Variants in TRIM63 observed in about 807,000 individuals in gnomAD.
TRIM63 encodes E3 ubiquitin-protein ligase TRIM63.
In TRIM63, 48 loss-of-function variants were observed where a neutral mutation model predicts 46.0. The ratio of observed to expected loss-of-function variants is 1.04; its 90% confidence interval spans 0.83 to 1.33. The LOEUF is 1.33. Among genes scored for constraint, TRIM63 ranks in the 40% most tolerant of loss-of-function variants. The probability of loss-of-function intolerance (pLI) is 0.00; values close to 1 mark genes in which losing one functional copy is unlikely to be tolerated. For synonymous variants in TRIM63, 175 were observed against 162.8 expected (o/e 1.08, Z -0.57); for missense variants, 455 against 441.2 (o/e 1.03, Z -0.28).
At chr1:26,061,382 TC>T in intron 2 of TRIM63, 48 bp from the exon 3 acceptor site, 1 of 1,589,116 alleles carries the variant, frequency 6.3e-7, no homozygotes. Context: ...TGTCCCTGCA[TC>T]CCCCTCCCCA....
At chr1:26,058,670 C>T (rs2050595170) in intron 4 of TRIM63, 47 bp from the exon 5 acceptor site, 1 of 1,496,260 alleles carries the variant, frequency 6.7e-7, no homozygotes, top group African/African-American at 1.4e-5. Context: ...TCTTTATTCC[C>T]TGCCCACTAC....
rs778011550 is a variant in TRIM63 at position 26,066,422 on chromosome 1, T to G, written c.178A>C (p.Thr60Pro). The G allele has an allele frequency of 2.5e-6, 4 of 1,593,572 alleles. No individual in the cohort carries two copies. In the African/African-American group the frequency reaches 5.4e-5, roughly 21 times the overall value. The change falls in exon 2 of 9, where the codon ACC (threonine) becomes CCC (proline). Residue 60 changes from threonine to proline, a missense_variant. By Grantham distance (38) the Thr-to-Pro change is conservative. Coordinates refer to ENST00000374272, the MANE Select transcript of TRIM63 (RefSeq NM_032588.4). ...ATGGACACTGAGCTGCCCCGGCTGG[T>G]CCAGTAGGGATTTGCAGCCTGCAGG... is the stretch of plus-strand genomic sequence containing the variant. Reference protein sequence around the residue: ...DIFQAANPYWTSRGSSVSMSG... With the variant: ...DIFQAANPYWPSRGSSVSMSG...
chr1:26,067,260 A>C, intron 1 of TRIM63, 76 bp downstream of exon 1: 12 of 1,553,264 alleles, frequency 7.7e-6, no homozygotes, highest in Non-Finnish European at 9.6e-6. Context: ...TTGGAAGTCT[A>C]AGGGAGAAGG....
At chr1:26,064,631 G>T (rs915045740) in intron 2 of TRIM63, among the ~76,000 whole-genome samples, 1 of 152,038 alleles carries the variant, frequency 6.6e-6, no homozygotes, top group Non-Finnish European at 1.5e-5. Flanking sequence ...TTAGAACAGC[G>T]CCTGCACACA....
chr1:26,056,448 C>T (rs1019614276), intron 7 of TRIM63, among the ~76,000 whole-genome samples: 1 of 152,162 alleles, frequency 6.6e-6, no homozygotes, highest in Non-Finnish European at 1.5e-5. Flanking sequence ...TCTACAGGAC[C>T]TTTCTGCATT....
rs768464929 is a variant in TRIM63 at position 26,058,510 on chromosome 1, T to C, written c.711A>G (p.Lys237=). 2 of 1,614,188 alleles carry C rather than the reference T, an allele frequency of 1.2e-6. No individual in the cohort carries two copies. Among genetic ancestry groups the C allele is most frequent in the South Asian group, 2.2e-5 (2 of 91,082 alleles). ...LLQRITQEQE[K]KLSFIEALIQ... ...TGAGGGCCTCGATGAAGCTAAGCTT[T>C]TTCTCCTGCTCCTGCGTGATCCGCT... Residue 237 remains lysine (K), a synonymous_variant, in exon 5 of 9, where the codon AAA becomes AAG. Coordinates refer to ENST00000374272, the MANE Select transcript of TRIM63 (RefSeq NM_032588.4).
chr1:26,057,485 A>G (rs1234131039), intron 6 of TRIM63, 143 bp downstream of exon 6: 1 of 1,394,106 alleles, frequency 7.2e-7, no homozygotes, highest in African/African-American at 1.4e-5. Context: ...GAGTGGTCCA[A>G]AAAGTCAGGG....
intron 8 of TRIM63, 53 bp downstream of exon 8, chr1:26,053,840 T>G: frequency 1.5e-6 from 2 of 1,352,118 alleles, no homozygotes; most frequent in Non-Finnish European, 2.1e-6. Flanking sequence ...GCACCTCAGA[T>G]TGTTGTGGAA....
chr1:26,054,442 A>T (rs2050551017), intron 7 of TRIM63, among the ~76,000 whole-genome samples: 1 of 152,036 alleles, frequency 6.6e-6, no homozygotes, highest in Non-Finnish European at 1.5e-5. Context: ...TAGCCTGTGG[A>T]GGGGAGGGGT....
chr1:26,060,217 T>G (rs2050610223), intron 4 of TRIM63, 49 bp downstream of exon 4: 1 of 1,546,472 alleles, frequency 6.5e-7, no homozygotes, highest in Non-Finnish European at 8.9e-7. Flanking sequence ...GAGACCAGGC[T>G]GCCCTGGAAA....
At chr1:26,054,237 C>T (rs922993400) in intron 7 of TRIM63, among the ~76,000 whole-genome samples, 2 of 152,072 alleles carry the variant, frequency 1.3e-5, no homozygotes, top group African/African-American at 4.8e-5. Flanking sequence ...ATCACCTGCT[C>T]GCCTGTGACC....
chr1:26,052,800 C>G (rs906323926), intron 8 of TRIM63, among the ~76,000 whole-genome samples: 3 of 152,088 alleles, frequency 2.0e-5, no homozygotes, highest in Non-Finnish European at 4.4e-5. Context: ...CTGCCCAGAG[C>G]CAGCACTCTG....
chr1:26,058,599 C>A lies in TRIM63; in HGVS notation c.622G>T (p.Glu208Ter). The change falls in exon 5 of 9, where the codon GAG (glutamate) becomes TAG (stop). Residue 208 changes from glutamate to a stop codon, truncating the protein, a stop_gained. Transcript: ENST00000374272. LOFTEE classifies it high-confidence loss of function. ...TKENSHQVKE[E>*]LSQKFDTLYA... The stretch of plus-strand genomic sequence containing the variant: ...AACGTGTCAAACTTCTGGCTCAGCT[C>A]TTCCTTTACCTGGTGACTGTTCTCC... 6.2e-7 allele frequency: 1 copy of A among 1,614,174 alleles called. No homozygotes were observed. The highest frequency in any genetic ancestry group is 8.5e-7 in the Non-Finnish European group (1 of 1,180,038).
At chr1:26,061,067 G>T (rs2050621103) in intron 3 of TRIM63, 99 bp downstream of exon 3, 2 of 1,327,362 alleles carry the variant, frequency 1.5e-6, no homozygotes, top group Non-Finnish European at 2.1e-6. Context: ...TTCCTGAAAG[G>T]CCAGATCAGC....
intron 7 of TRIM63, 35 bp from the exon 8 acceptor site, chr1:26,053,999 C>G: frequency 1.3e-6 from 2 of 1,509,262 alleles, no homozygotes; most frequent in Non-Finnish European, 1.8e-6. Context: ...AGGATGGGGC[C>G]GGTTCCTTGA....
Position 26,061,220 on chromosome 1 carries a change from C to T in TRIM63, c.447G>A (p.Gly149=), listed in dbSNP as rs747753564. Residue 149 remains glycine, a synonymous_variant, in exon 3 of 9, where the codon GGG becomes GGA. Coordinates refer to ENST00000374272, the MANE Select transcript of TRIM63 (RefSeq NM_032588.4). The part of the protein sequence containing the change: ...VPTCSMCKVF[G]IHKACEVAPL... ...GGGCCACCTCGCAGGCCTTGTGGATCCCAAACACCTTGCACATGGAGCAGG... is the reference window on the plus strand; with the variant it reads ...GGGCCACCTCGCAGGCCTTGTGGATTCCAAACACCTTGCACATGGAGCAGG... The T allele has an allele frequency of 1.2e-6, 2 of 1,614,214 alleles. No individual in the cohort carries two copies. The highest frequency in any genetic ancestry group is 1.7e-6 in the Non-Finnish European group (2 of 1,180,032).
At chr1:26,067,260 A>G (rs1352842023) in intron 1 of TRIM63, 76 bp downstream of exon 1, 15 of 1,553,146 alleles carry the variant, frequency 9.7e-6, no homozygotes, top group Non-Finnish European at 1.3e-5. Context: ...TTGGAAGTCT[A>G]AGGGAGAAGG....
At position 26,067,414 on chromosome 1, in the gene TRIM63, C is replaced by A; in HGVS notation, c.81G>T (p.Leu27=). 1 of 1,614,178 alleles carries A rather than the reference C, an allele frequency of 6.2e-7. No individual in the cohort carries two copies. Among genetic ancestry groups the A allele is most frequent in the Non-Finnish European group, 8.5e-7 (1 of 1,180,040 alleles). Residue 27 remains leucine (L), a synonymous_variant, in exon 1 of 9, where the codon CTG becomes CTT. Transcript: ENST00000374272. ...TGACCACTGGCTTGGTAAACATCTC[C>A]AGGCAGATAGGGCAGATCAGCTGCT... The part of the protein sequence containing the change: ...LEKQLICPIC[L]EMFTKPVVIL...
intron 7 of TRIM63, among the ~76,000 whole-genome samples, chr1:26,055,035 A>AGAGTATAACCCAGGG (rs2050559083): frequency 6.6e-6 from 1 of 152,122 alleles, no homozygotes; most frequent in Non-Finnish European, 1.5e-5. Context: ...AACTGATATC[A>AGAGTATAACCCAGGG]GAGTATAACC....
Sources: allele counts gnomAD v4.1 joint callset (sites outside exome capture counted in the v4.1 genomes callset), GRCh38; gene constraint gnomAD v4.1.1; transcripts MANE v1.5; gene names NCBI Gene and HGNC (gene_info 2026-07-23, HGNC 2026-07-21).